Variants in GABARAPL2 observed in about 807,000 individuals in gnomAD.
The protein encoded by GABARAPL2 is GABA type A receptor associated protein like 2, also known as gamma-aminobutyric acid receptor-associated protein-like 2.
In GABARAPL2, 11 loss-of-function variants were observed where a neutral mutation model predicts 16.9. That is an observed-to-expected ratio of 0.65 (90% CI 0.41 to 1.08). GABARAPL2 has a LOEUF of 1.08. GABARAPL2 is among the 50% of genes least tolerant of loss of function. The pLI is 0.00. For synonymous variants in GABARAPL2, 57 were observed against 50.7 expected (o/e 1.12, Z -0.53); for missense variants, 134 against 142.5 (o/e 0.94, Z 0.30).
intron 2 of GABARAPL2, 66 bp from the exon 3 acceptor site, chr16:75,567,971 C>G: frequency 7.7e-7 from 1 of 1,303,326 alleles, no homozygotes; most frequent in Non-Finnish European, 1.1e-6. Context: ...TCATCAGCTC[C>G]TCAGCCATGT....
chr16:75,571,291 A>T (rs74027421), intron 3 of GABARAPL2, among the ~76,000 whole-genome samples: 5,512 of 152,266 alleles, frequency 0.036, 159 homozygotes, highest in African/African-American at 0.08. Context: ...ATGCCTGGCC[A>T]GATATTATAA....
At chr16:75,570,742 A>C (rs1480079617) in intron 3 of GABARAPL2, among the ~76,000 whole-genome samples, 1 of 152,216 alleles carries the variant, frequency 6.6e-6, no homozygotes, top group Non-Finnish European at 1.5e-5. Flanking sequence ...CAAGTCCCTA[A>C]GTTTTACTTC....
chr16:75,568,081 C>A lies in GABARAPL2; in HGVS notation c.135C>A (p.Asp45Glu). 6.2e-7 allele frequency: 1 copy of A among 1,610,180 alleles called. No individual in the cohort carries two copies. Among genetic ancestry groups the A allele is most frequent in the Non-Finnish European group, 8.5e-7 (1 of 1,176,672 alleles). The change falls in exon 3 of 4, where the codon GAC (aspartate) becomes GAA (glutamate). Residue 45 changes from aspartate (D) to glutamate (E), a missense_variant. Coordinates refer to ENST00000037243, the MANE Select transcript of GABARAPL2 (RefSeq NM_007285.7). ...KVSGSQIVDI[D>E]KRKYLVPSDI... ...CAGGCTCTCAGATTGTTGACATTGA[C>A]AAACGGAAGTACTTGGTTCCATCTG... is the stretch of plus-strand genomic sequence containing the variant.
chr16:75,571,008 A>T (rs1016817811), intron 3 of GABARAPL2, among the ~76,000 whole-genome samples: 1 of 152,244 alleles, frequency 6.6e-6, no homozygotes, highest in African/African-American at 2.4e-5. Context: ...TAGAACATAG[A>T]TAAGAGTCTT....
chr16:75,571,866 C>T (rs959312111), intron 3 of GABARAPL2, among the ~76,000 whole-genome samples: 2 of 151,572 alleles, frequency 1.3e-5, no homozygotes, highest in African/African-American at 4.8e-5. Context: ...TTAGTAGAGA[C>T]GGGTTTTACC....
chr16:75,570,144 G>A (rs998208506), intron 3 of GABARAPL2, among the ~76,000 whole-genome samples: 2 of 151,950 alleles, frequency 1.3e-5, no homozygotes. Context: ...TGCCCAGATT[G>A]CAGTGCAGTG....
intron 2 of GABARAPL2, 105 bp from the exon 3 acceptor site, chr16:75,567,932 C>G (rs878925016): frequency 1.3e-6 from 1 of 759,750 alleles, no homozygotes; most frequent in Admixed American, 2.3e-5. Flanking sequence ...CTATGCAGTT[C>G]CCCACCCACC....
chr16:75,573,665 TG>T (rs1394013262), intron 3 of GABARAPL2, among the ~76,000 whole-genome samples: 1 of 152,226 alleles, frequency 6.6e-6, no homozygotes. Flanking sequence ...TCGCCTTACC[TG>T]GGAGCTTGAT....
rs779542017 is a variant in GABARAPL2 at position 75,566,448 on chromosome 16, G to A, written c.-39G>A. On this transcript the variant is annotated 5_prime_UTR_variant, in exon 1 of 4. Coordinates refer to ENST00000037243, the MANE Select transcript of GABARAPL2 (RefSeq NM_007285.7). ...TTGTGCTCGGTGCGCTGAGCTCCGC[G>A]GCTCCGCGAGCCGGTTCCGTCCCCT... is the stretch of plus-strand genomic sequence containing the variant. The A allele has an allele frequency of 2.0e-6, 3 of 1,505,388 alleles. No individual in the cohort carries two copies. The highest frequency in any genetic ancestry group is 1.4e-5 in the African/African-American group (1 of 70,432). The allele number at this position is 1,505,388 out of a possible 1,614,324, so 93.3% of individuals were successfully genotyped here.
rs370276609 is a variant in GABARAPL2 at position 75,577,269 on chromosome 16, C to T, written c.264-10C>T. Reference sequence around the variant, plus strand: ...AATTTTCAATGACGTTTTTGTTTTTCTCTTTCAAGCCTAACTATGGGACAG... The same window carrying T: ...AATTTTCAATGACGTTTTTGTTTTTTTCTTTCAAGCCTAACTATGGGACAG... On this transcript the variant is annotated splice_polypyrimidine_tract_variant and intron_variant, in intron 3 of 3. Coordinates refer to ENST00000037243, the MANE Select transcript of GABARAPL2 (RefSeq NM_007285.7). 26 of 1,576,222 alleles carry T rather than the reference C, an allele frequency of 1.6e-5. No individual in the cohort carries two copies. The African/African-American group carries it at 3.2e-4, about 20-fold the overall frequency.
chr16:75,568,262 C>A, intron 3 of GABARAPL2, 53 bp downstream of exon 3: 1 of 1,320,870 alleles, frequency 7.6e-7, no homozygotes, highest in Non-Finnish European at 1.1e-6. Context: ...TGGTTGGCTG[C>A]TTACGGAACT....
chr16:75,570,836 T>TTTA, intron 3 of GABARAPL2, among the ~76,000 whole-genome samples: 1 of 152,334 alleles, frequency 6.6e-6, no homozygotes, highest in Admixed American at 6.5e-5. Context: ...TTGAATTCTC[T>TTTA]GCCTAGGTGC....
intron 3 of GABARAPL2, among the ~76,000 whole-genome samples, chr16:75,575,243 T>C (rs979754701): frequency 6.6e-6 from 1 of 152,050 alleles, no homozygotes; most frequent in Non-Finnish European, 1.5e-5. Flanking sequence ...AAGCCACATA[T>C]GTAATTTAAG....
rs1332573050 is a variant in GABARAPL2, at chr16:75,568,223, A to G, written c.263+14A>G. 1 of 1,568,976 alleles carries G rather than the reference A, an allele frequency of 6.4e-7. No homozygotes were observed. Among genetic ancestry groups the G allele is most frequent in the Non-Finnish European group, 8.7e-7 (1 of 1,142,950 alleles). On this transcript the variant is annotated intron_variant, in intron 3 of 3. Transcript: ENST00000037243. Reference sequence around the variant, plus strand: ...CCCACAGTCCAGGTGAGAGGTGTTTACTAGATGGGCCCTCTGGTATTAGAC... The same window carrying G: ...CCCACAGTCCAGGTGAGAGGTGTTTGCTAGATGGGCCCTCTGGTATTAGAC...
chr16:75,577,363 C>T lies in GABARAPL2; in HGVS notation c.348C>T (p.Gly116=). Residue 116 remains glycine, a synonymous_variant, in exon 4 of 4, where the codon GGC becomes GGT. Coordinates refer to ENST00000037243, the MANE Select transcript of GABARAPL2 (RefSeq NM_007285.7). ...YVAYSGENTF[G]F is the part of the protein sequence containing the mutation. ...CCTACAGCGGAGAGAACACTTTTGG[C>T]TTCTGAGGGCCATTGCTGGGCTAGG... 3 of 1,592,972 alleles carry T rather than the reference C, an allele frequency of 1.9e-6. No individual in the cohort carries two copies.
intron 3 of GABARAPL2, among the ~76,000 whole-genome samples, chr16:75,570,598 C>T (rs748836509): frequency 1.3e-5 from 2 of 152,174 alleles, no homozygotes; most frequent in Non-Finnish European, 2.9e-5. Flanking sequence ...TCAATTATGT[C>T]TGAGGCTGAA....
intron 2 of GABARAPL2, 26 bp downstream of exon 2, chr16:75,566,933 C>A: frequency 1.3e-6 from 2 of 1,590,848 alleles, no homozygotes; most frequent in South Asian, 2.2e-5. Flanking sequence ...GCCCCCTCAC[C>A]TCGCTGTCAC....
intron 2 of GABARAPL2, 37 bp downstream of exon 2, chr16:75,566,944 C>T (rs1348371796): frequency 1.0e-5 from 16 of 1,553,616 alleles, no homozygotes; most frequent in Non-Finnish European, 1.4e-5. Context: ...TCGCTGTCAC[C>T]TCTGTCGTCT....
At chr16:75,567,995 C>T (rs781259182) in intron 2 of GABARAPL2, 42 bp from the exon 3 acceptor site, 35 of 1,517,292 alleles carry the variant, frequency 2.3e-5, no homozygotes, top group South Asian at 5.9e-5. Flanking sequence ...GCCAGAGCCT[C>T]GCTTTAGGAA....
Sources: gnomAD v4.1 joint callset for allele counts (sites outside exome capture counted in the v4.1 genomes callset) on GRCh38, gnomAD v4.1.1 for gene constraint, MANE v1.5 for transcripts, NCBI Gene and HGNC (gene_info 2026-07-23, HGNC 2026-07-21) for gene names.